RASA3: variants seen among roughly 807,000 people sequenced by gnomAD.
The protein encoded by RASA3 is RAS p21 protein activator 3, also known as ras GTPase-activating protein 3.
RASA3 carries 73 observed loss-of-function variants against 110.0 expected under a neutral mutation model. That is an observed-to-expected ratio of 0.66 (90% CI 0.55 to 0.81). The LOEUF is 0.81. RASA3 is among the 30% of genes least tolerant of loss of function. RASA3 has a pLI of 0.00. For missense variants in RASA3, 976 were observed against 1,113.2 expected, an observed-to-expected ratio of 0.88 and a Z score of 1.75; for synonymous variants, 500 against 451.4, an observed-to-expected ratio of 1.11 and a Z score of -1.37.
At chr13:114,008,375 C>T (rs79979711) in intron 17 of RASA3, among the ~76,000 whole-genome samples, 2 of 33,180 alleles carry the variant, frequency 6.0e-5, no homozygotes, top group East Asian at 8.7e-4. Context: ...GCGGTCTGGA[C>T]GTTCCCCACG....
At chr13:113,993,806 TAAAA>T (rs35450759) in intron 21 of RASA3, among the ~76,000 whole-genome samples, 4 of 85,590 alleles carry the variant, frequency 4.7e-5, no homozygotes, top group African/African-American at 1.8e-4. Flanking sequence ...AGACTCTGCC[TAAAA>T]AAAAAAAAAA....
intron 2 of RASA3, among the ~76,000 whole-genome samples, chr13:114,063,220 G>A (rs1206891940): frequency 1.3e-5 from 2 of 151,932 alleles, no homozygotes; most frequent in Non-Finnish European, 2.9e-5. Flanking sequence ...AAAAAAATCA[G>A]AAAGTGAAAT....
At chr13:114,088,536 A>G (rs981104566) in intron 1 of RASA3, among the ~76,000 whole-genome samples, 1 of 146,192 alleles carries the variant, frequency 6.8e-6, no homozygotes, top group African/African-American at 2.5e-5. Context: ...AGATTTGCAC[A>G]TTTAAATTCC....
chr13:113,993,386 G>A (rs2053162244), intron 21 of RASA3, among the ~76,000 whole-genome samples: 1 of 151,982 alleles, frequency 6.6e-6, no homozygotes, highest in Non-Finnish European at 1.5e-5. Flanking sequence ...ATGTTGGCCA[G>A]GCTGGTCTTG....
Position 114,121,409 on chromosome 13 carries a change from G to C in RASA3, c.55+11026C>G, listed in dbSNP as rs564755584. On this transcript the variant is annotated intron_variant, in intron 1 of 23. Coordinates refer to ENST00000334062, the MANE Select transcript of RASA3 (RefSeq NM_007368.4). ...CAGCCTACTCAGCACAGATTGGCCC[G>C]TGTCTTCTGCCACGGATCTCGGCTA... is the stretch of plus-strand genomic sequence containing the variant. Among the ~76,000 whole-genome samples the C allele has an allele frequency of 1.6e-3, 245 of 152,332 alleles. No homozygotes were observed. The Middle Eastern group carries it at 0.02, about 13-fold the overall frequency.
Position 114,015,473 on chromosome 13 carries a change from C to T in RASA3, c.1282-141G>A, listed in dbSNP as rs1044735973. 3.9e-5 allele frequency: 39 copies of T among 1,003,510 alleles called. No individual in the cohort carries two copies. The Admixed American group carries it at 4.3e-4, about 11-fold the overall frequency. The allele number at this position is 1,003,510 out of a possible 1,614,324, so 62.2% of individuals were successfully genotyped here. On this transcript the variant is annotated intron_variant, in intron 13 of 23. Transcript: ENST00000334062. ...GCTGCGGCAGTGAGACACGTGTGAA[C>T]AGCCACTCCCTGGAAATCTGTGCTG...
rs2079081600 is a variant in RASA3 at position 114,048,051 on chromosome 13, C to G, written c.277+4001G>C. Reference sequence around the variant, plus strand: ...GAGGTCTCGGCCGGGCGCGGTGGCTCACGCCTGTAATCCCAGCACTTTGGG... The same window carrying G: ...GAGGTCTCGGCCGGGCGCGGTGGCTGACGCCTGTAATCCCAGCACTTTGGG... On this transcript the variant is annotated intron_variant, in intron 3 of 23. Transcript: ENST00000334062. The surrounding 1 kb of genome is among the most constrained non-coding windows in gnomAD (Gnocchi z 4.3). 6.6e-6 allele frequency among the ~76,000 whole-genome samples: 1 copy of G among 152,084 alleles called. No individual in the cohort carries two copies. Among genetic ancestry groups the G allele is most frequent in the African/African-American group, 2.4e-5 (1 of 41,410 alleles).
At chr13:114,068,657 C>A (rs970995457) in intron 2 of RASA3, among the ~76,000 whole-genome samples, 2 of 152,148 alleles carry the variant, frequency 1.3e-5, no homozygotes, top group African/African-American at 4.8e-5. Flanking sequence ...CAAGCCCCAG[C>A]CCTGCCAACC....
intron 2 of RASA3, among the ~76,000 whole-genome samples, chr13:114,053,034 G>A: frequency 7.0e-6 from 1 of 143,786 alleles, no homozygotes; most frequent in Non-Finnish European, 1.5e-5. Flanking sequence ...TGTGCTTAGA[G>A]TCCTGGCTCC....
At chr13:114,020,874 G>A (rs1009497129) in intron 9 of RASA3, among the ~76,000 whole-genome samples, 4 of 152,156 alleles carry the variant, frequency 2.6e-5, no homozygotes, top group Non-Finnish European at 4.4e-5. Context: ...GCGCAGCCGC[G>A]GCGCAGCCCT....
chr13:114,101,426 C>T (rs1360336437), intron 1 of RASA3, among the ~76,000 whole-genome samples: 1 of 152,230 alleles, frequency 6.6e-6, no homozygotes, highest in Non-Finnish European at 1.5e-5. Flanking sequence ...AGGAACCCCT[C>T]AGGGCTGGAG....
intron 4 of RASA3, among the ~76,000 whole-genome samples, chr13:114,031,349 CCTT>C (rs1037305269): frequency 6.6e-6 from 1 of 150,742 alleles, no homozygotes; most frequent in Non-Finnish European, 1.5e-5. Context: ...CTGTGTGTGT[CCTT>C]CTGTGTGTGT....
At chr13:114,017,809 T>C (rs748893373) in intron 11 of RASA3, among the ~76,000 whole-genome samples, 3 of 152,134 alleles carry the variant, frequency 2.0e-5, no homozygotes, top group Non-Finnish European at 4.4e-5. Context: ...TGCTCCATTT[T>C]TGTGGGCTCC....
chr13:113,996,723 T>C lies in RASA3; in HGVS notation c.1949A>G (p.Gln650Arg), dbSNP rs1380673806. ...CTGGATGTACAGCGCACGCTCTGGC[T>C]GGATGACCTGGAACATCTGAGGACA... The part of the protein sequence containing the change: ...FKMKNMFQVI[Q>R]PERALYIQAN... The change falls in exon 21 of 24, where the codon CAG (glutamine) becomes CGG (arginine). Residue 650 changes from glutamine (Q) to arginine (R), a missense_variant. Around this residue, in one of 4 missense-constraint regions of RASA3, gnomAD observed 109 missense variants for 162.5 expected, o/e 0.67. Coordinates refer to ENST00000334062, the MANE Select transcript of RASA3 (RefSeq NM_007368.4). 1 of 1,613,650 alleles carries C rather than the reference T, an allele frequency of 6.2e-7. No individual in the cohort carries two copies. Among genetic ancestry groups the C allele is most frequent in the Admixed American group, 1.7e-5 (1 of 60,024 alleles).
chr13:114,042,841 G>A (rs1307599812), intron 3 of RASA3, among the ~76,000 whole-genome samples: 1 of 152,238 alleles, frequency 6.6e-6, no homozygotes, highest in Non-Finnish European at 1.5e-5. Flanking sequence ...TCTCACAGGT[G>A]CCATCTCAGT....
chr13:114,124,466 C>T (rs184100779), intron 1 of RASA3, among the ~76,000 whole-genome samples: 180 of 152,378 alleles, frequency 1.2e-3, no homozygotes, highest in East Asian at 2.1e-3. Context: ...AGGGCGTTCC[C>T]GGGCACCTCG....
chr13:113,979,284 C>T lies in RASA3; in HGVS notation c.*63G>A. 6.9e-7 allele frequency: 1 copy of T among 1,445,888 alleles called. No individual in the cohort carries two copies. Among genetic ancestry groups the T allele is most frequent in the Non-Finnish European group, 9.7e-7 (1 of 1,028,588 alleles). The allele number at this position is 1,445,888 out of a possible 1,614,324, so 89.6% of individuals were successfully genotyped here. A position where few individuals can be genotyped will look rare whatever the true frequency, so the allele number is the denominator to read the frequency against. The stretch of plus-strand genomic sequence containing the variant: ...CTCTGCGCTCTTCCTTCTCTTCTCC[C>T]TCCCAAAGGCTGCGGCTTTGCATGG... On this transcript the variant is annotated 3_prime_UTR_variant, in exon 24 of 24. Transcript: ENST00000334062.
intron 2 of RASA3, among the ~76,000 whole-genome samples, chr13:114,069,399 G>A (rs985370875): frequency 3.5e-5 from 5 of 141,020 alleles, no homozygotes; most frequent in Admixed American, 2.2e-4. Flanking sequence ...CCTTAAAGGT[G>A]ACACTGACCT....
intron 2 of RASA3, among the ~76,000 whole-genome samples, chr13:114,053,832 A>G (rs1237076335): frequency 1.3e-5 from 2 of 152,280 alleles, no homozygotes; most frequent in Non-Finnish European, 2.9e-5. Context: ...AGCATTATTT[A>G]AAAAGTGAAA....
Sources: allele counts gnomAD v4.1 joint callset (sites outside exome capture counted in the v4.1 genomes callset), GRCh38; gene constraint gnomAD v4.1.1; regional missense constraint gnomAD v4.1.1; non-coding constraint Gnocchi (gnomAD v3.1); transcripts MANE v1.5; gene names NCBI Gene and HGNC (gene_info 2026-07-23, HGNC 2026-07-21).